The following BACE2 variants were observed in gnomAD, a reference collection of about 807,000 sequenced individuals.
BACE2 encodes beta-secretase 2.
BACE2 carries 17 observed loss-of-function variants against 46.2 expected under a neutral mutation model. The observed-to-expected ratio is 0.37, with a 90% CI of 0.25 to 0.55. The LOEUF (loss-of-function observed/expected upper bound fraction) is 0.55, where lower values mean the gene tolerates loss of function less well. Among genes scored for constraint, BACE2 ranks in the 20% least tolerant of loss-of-function variants. BACE2 has a pLI of 0.82. For missense variants in BACE2, 595 were observed against 698.1 expected (o/e 0.85, Z 1.66); for synonymous variants, 277 against 295.9 (o/e 0.94, Z 0.66).
chr21:41,255,207 G>A (rs544728344), intron 7 of BACE2, among the ~76,000 whole-genome samples: 18 of 152,356 alleles, frequency 1.2e-4, no homozygotes, highest in South Asian at 4.1e-4. Context: ...GGGAAATGCC[G>A]ATTGAGAGGT....
Position 41,274,455 on chromosome 21 carries a change from A to G in BACE2, c.1304-916A>G, listed in dbSNP as rs566324338. Reference sequence around the variant, plus strand: ...CTTAGCAGTGTTATTTTCTGGTGCCAAAATATTCATTTCTGTGATTAAATA... The same window carrying G: ...CTTAGCAGTGTTATTTTCTGGTGCCGAAATATTCATTTCTGTGATTAAATA... On this transcript the variant is annotated intron_variant, in intron 8 of 8. Transcript: ENST00000330333. Among the ~76,000 whole-genome samples, 8 of 152,316 alleles carry G rather than the reference A, an allele frequency of 5.3e-5. No individual in the cohort carries two copies. In the South Asian group the frequency reaches 1.7e-3, roughly 32 times the overall value.
chr21:41,177,367 T>C (rs1984893974), intron 1 of BACE2: 1 of 152,258 alleles, frequency 6.6e-6, no homozygotes, highest in East Asian at 1.9e-4. Flanking sequence ...AAAATAGATA[T>C]TCAGAAAATC....
At position 41,281,961 on chromosome 21, in the gene BACE2, T is replaced by C. The variant is rs2088553253; in HGVS notation, c.*6337T>C. 1 of 152,252 alleles carries C rather than the reference T, an allele frequency of 6.6e-6. No individual in the cohort carries two copies. The highest frequency in any genetic ancestry group is 1.5e-5 in the Non-Finnish European group (1 of 68,038). The allele number at this position is 152,252 out of a possible 1,614,324, so 9.4% of individuals were successfully genotyped here. ...AAAGCTGAATTTTTGTAATCTAAAA[T>C]GATGTATTTTCTACTATTGCTGTTA... is the stretch of plus-strand genomic sequence containing the variant. On this transcript the variant is annotated 3_prime_UTR_variant, in exon 9 of 9. Transcript: ENST00000330333.
chr21:41,211,107 GCATTTGGTGGAAAACCAC>G (rs372665329), intron 1 of BACE2, among the ~76,000 whole-genome samples: 1 of 152,058 alleles, frequency 6.6e-6, no homozygotes, highest in African/African-American at 2.4e-5. Context: ...TAAATGCTAA[GCATTTGGTGGAAAACCAC>G]CACATTCCAG....
chr21:41,204,321 A>G (rs1986058546), intron 1 of BACE2, among the ~76,000 whole-genome samples: 1 of 152,192 alleles, frequency 6.6e-6, no homozygotes, highest in Non-Finnish European at 1.5e-5. Flanking sequence ...GATTACAGGC[A>G]TGAGCCACTG....
intron 7 of BACE2, among the ~76,000 whole-genome samples, 157 bp downstream of exon 7, chr21:41,251,058 G>T (rs953865124): frequency 3.3e-5 from 5 of 152,216 alleles, no homozygotes; most frequent in African/African-American, 4.8e-5. Context: ...CTGAGTCCAG[G>T]CAGGGCGGTG....
chr21:41,259,303 G>T lies in BACE2; in HGVS notation c.1303+1977G>T, dbSNP rs543492262. ...TAAATGTTAGATTTTACCAGCCATGGGAAAATACACTGATATATGTCCCCT... is the reference window on the plus strand; with the variant it reads ...TAAATGTTAGATTTTACCAGCCATGTGAAAATACACTGATATATGTCCCCT... On this transcript the variant is annotated intron_variant, in intron 8 of 8. Coordinates refer to ENST00000330333, the MANE Select transcript of BACE2 (RefSeq NM_012105.5). Among the ~76,000 whole-genome samples the T allele has an allele frequency of 9.2e-5, 14 of 152,102 alleles. No homozygotes were observed. The East Asian group carries it at 2.7e-3, about 29-fold the overall frequency.
chr21:41,231,661 T>G (rs530200655), intron 2 of BACE2, among the ~76,000 whole-genome samples: 13 of 152,234 alleles, frequency 8.5e-5, no homozygotes, highest in Non-Finnish European at 1.5e-4. Flanking sequence ...GCAGAACATC[T>G]TCTGAATTTG....
intron 1 of BACE2, among the ~76,000 whole-genome samples, chr21:41,172,843 C>T (rs1179305460): frequency 6.6e-6 from 1 of 152,192 alleles, no homozygotes; most frequent in Non-Finnish European, 1.5e-5. Flanking sequence ...ATTCTGCAGG[C>T]CAGAGTTCAA....
chr21:41,248,916 C>T (rs1256914379), intron 6 of BACE2, among the ~76,000 whole-genome samples: 2 of 152,230 alleles, frequency 1.3e-5, no homozygotes, highest in Non-Finnish European at 2.9e-5. Context: ...TCTTCTCCCT[C>T]CTCCTTGGAC....
chr21:41,273,920 CCGTT>C (rs2088458343), intron 8 of BACE2, among the ~76,000 whole-genome samples: 1 of 152,238 alleles, frequency 6.6e-6, no homozygotes, highest in African/African-American at 2.4e-5. Flanking sequence ...GCCAGTCCCT[CCGTT>C]CGGGGTCCCT....
At chr21:41,191,606 T>C (rs115118180) in intron 1 of BACE2, among the ~76,000 whole-genome samples, 4,479 of 152,260 alleles carry the variant, frequency 0.029, 84 homozygotes, top group Middle Eastern at 0.078. Context: ...GAGGACTCGG[T>C]GTTGGTCTCT....
intron 8 of BACE2, among the ~76,000 whole-genome samples, chr21:41,267,455 CTT>C (rs1048437816): frequency 1.3e-5 from 2 of 152,186 alleles, no homozygotes. Context: ...CCACCCATCT[CTT>C]TTTATAGATT....
intron 1 of BACE2, chr21:41,176,050 G>A (rs1984822486): frequency 6.6e-6 from 1 of 152,256 alleles, no homozygotes; most frequent in Admixed American, 6.5e-5. Flanking sequence ...CATTTGAGCT[G>A]TCTGAGCCTC....
chr21:41,248,363 G>A lies in BACE2; in HGVS notation c.984+2300G>A, dbSNP rs186224324. Among the ~76,000 whole-genome samples, 7 of 152,320 alleles carry A rather than the reference G, an allele frequency of 4.6e-5. No individual in the cohort carries two copies. In the East Asian group the frequency reaches 1.2e-3, roughly 25 times the overall value. ...TCTGGGGACAGTAAGTCCCACATCC[G>A]AATCTGAGGTGAGCTCCCCAGGCCA... On this transcript the variant is annotated intron_variant, in intron 6 of 8. Coordinates refer to ENST00000330333, the MANE Select transcript of BACE2 (RefSeq NM_012105.5).
At chr21:41,207,804 G>A (rs181816040) in intron 1 of BACE2, among the ~76,000 whole-genome samples, 2 of 152,342 alleles carry the variant, frequency 1.3e-5, no homozygotes, top group Admixed American at 1.3e-4. Context: ...TTCAGTCCAT[G>A]TTTGGTTTCT....
At chr21:41,248,774 C>T (rs1027900973) in intron 6 of BACE2, among the ~76,000 whole-genome samples, 3 of 152,102 alleles carry the variant, frequency 2.0e-5, no homozygotes, top group Admixed American at 6.5e-5. Flanking sequence ...CGTACCACCC[C>T]TGATATTCAG....
rs1011685821 is a variant in BACE2 at position 41,258,864 on chromosome 21, T to C, written c.1303+1538T>C. Among the ~76,000 whole-genome samples the C allele has an allele frequency of 2.5e-4, 38 of 152,236 alleles. 1 individual carries two copies. The highest frequency in any genetic ancestry group is 9.2e-4 in the African/African-American group (38 of 41,464). ...CTTTGCTATGTGTAAATGTTTACCT[T>C]ATGTATGTGCAATAACTCTTTTAGC... On this transcript the variant is annotated intron_variant, in intron 8 of 8. Coordinates refer to ENST00000330333, the MANE Select transcript of BACE2 (RefSeq NM_012105.5).
chr21:41,211,984 C>T (rs2123548392), intron 1 of BACE2, among the ~76,000 whole-genome samples: 1 of 152,360 alleles, frequency 6.6e-6, no homozygotes, highest in East Asian at 1.9e-4. Flanking sequence ...ACCATGGCTT[C>T]TAGCCGAGGA....
Sources: allele counts gnomAD v4.1 joint callset (sites outside exome capture counted in the v4.1 genomes callset), GRCh38; gene constraint gnomAD v4.1.1; transcripts MANE v1.5; gene names NCBI Gene and HGNC (gene_info 2026-07-23, HGNC 2026-07-21).